Variants in CRY2 observed in about 807,000 individuals in gnomAD.
CRY2 encodes cryptochrome-2.
In CRY2, 31 loss-of-function variants were observed where a neutral mutation model predicts 69.5. The ratio of observed to expected loss-of-function variants is 0.45; its 90% CI spans 0.34 to 0.60. CRY2 has a LOEUF of 0.60. Among genes scored for constraint, CRY2 ranks in the 20% least tolerant of loss-of-function variants. CRY2 has a pLI of 0.02. For synonymous variants in CRY2, 303 were observed against 312.2 expected (o/e 0.97, Z 0.31); for missense variants, 606 against 797.8 (o/e 0.76, Z 2.90).
In CRY2 at chr11:45,858,818, G is replaced by A. The variant is rs2086263226; in HGVS notation, c.412G>A (p.Glu138Lys). The change falls in exon 3 of 12, where the codon GAG (glutamate) becomes AAG (lysine). Residue 138 changes from glutamate (E) to lysine (K), a missense_variant. Coordinates refer to ENST00000616080, the MANE Select transcript of CRY2 (RefSeq NM_021117.5). ...RDAAIMKMAK[E>K]AGVEVVTENS... is the part of the protein sequence containing the mutation. The stretch of plus-strand genomic sequence containing the variant: ...TGCAGCCATCATGAAGATGGCCAAG[G>A]AGGCTGGTGTGGAAGTAGTGACGGA... 6.2e-7 allele frequency: 1 copy of A among 1,614,090 alleles called. No individual in the cohort carries two copies. The highest frequency in any genetic ancestry group is 8.5e-7 in the Non-Finnish European group (1 of 1,180,054).
chr11:45,847,133 C>A, upstream of CRY2: 1 of 1,509,138 alleles, frequency 6.6e-7, no homozygotes, highest in South Asian at 1.2e-5. Context: ...CTTCTAGAAG[C>A]AGGCCCTGAA....
chr11:45,870,012 G>A, intron 7 of CRY2, 41 bp from the exon 8 acceptor site: 4 of 1,550,418 alleles, frequency 2.6e-6, no homozygotes, highest in Admixed American at 1.9e-5. Flanking sequence ...AAACATGGCT[G>A]CATGTCCCCA....
chr11:45,858,638 C>A, intron 2 of CRY2, 93 bp from the exon 3 acceptor site: 1 of 1,365,782 alleles, frequency 7.3e-7, no homozygotes, highest in Admixed American at 2.5e-5. Context: ...GGTCTCTAGA[C>A]TAGCTCTGTT....
intron 5 of CRY2, among the ~76,000 whole-genome samples, chr11:45,865,939 G>C (rs1227007138): frequency 2.0e-5 from 3 of 152,216 alleles, no homozygotes; most frequent in Admixed American, 6.5e-5. Flanking sequence ...GACGCAGGGA[G>C]GCCAGTCAGG....
At chr11:45,863,563 C>T (rs1035232036) in intron 5 of CRY2, among the ~76,000 whole-genome samples, 8 of 151,302 alleles carry the variant, frequency 5.3e-5, no homozygotes, top group Non-Finnish European at 1.2e-4. Flanking sequence ...TTTATTTTAG[C>T]TTCCTTCAGT....
At chr11:45,864,482 T>A (rs747668908) in intron 5 of CRY2, among the ~76,000 whole-genome samples, 1 of 151,846 alleles carries the variant, frequency 6.6e-6, no homozygotes, top group Non-Finnish European at 1.5e-5. Context: ...TAGCCGGGTG[T>A]GGCAGCATGT....
chr11:45,865,122 A>T (rs1304459379), intron 5 of CRY2, among the ~76,000 whole-genome samples: 1 of 141,332 alleles, frequency 7.1e-6, no homozygotes, highest in African/African-American at 2.7e-5. Flanking sequence ...ACATTTGGGT[A>T]AAAAAAAAAA....
intron 1 of CRY2, among the ~76,000 whole-genome samples, chr11:45,855,239 A>G (rs932214938): frequency 2.7e-5 from 4 of 149,616 alleles, no homozygotes; most frequent in Non-Finnish European, 5.9e-5. Context: ...TGAGAACCTG[A>G]TCACCAGAGC....
chr11:45,865,217 T>C (rs2134639913), intron 5 of CRY2, among the ~76,000 whole-genome samples: 1 of 152,242 alleles, frequency 6.6e-6, no homozygotes, highest in African/African-American at 2.4e-5. Flanking sequence ...TGTAAACATT[T>C]CAGAAATGCA....
At chr11:45,847,215 C>G, upstream of CRY2, 4 of 1,549,928 alleles carry the variant, frequency 2.6e-6, no homozygotes, top group Non-Finnish European at 3.5e-6. Flanking sequence ...ACAGCCCCAG[C>G]CTGCGGACAG....
intron 9 of CRY2, 140 bp downstream of exon 9, chr11:45,870,672 C>G: frequency 8.4e-7 from 1 of 1,184,866 alleles, no homozygotes; most frequent in Non-Finnish European, 1.2e-6. Flanking sequence ...GTATGGGACA[C>G]TGCAGGCTGG....
Position 45,872,176 on chromosome 11 carries a change from A to C in CRY2, c.1727A>C (p.Lys576Thr). ...GAACCACCTGGTGAAGAACTCAGCA[A>C]ACGGGCCCGGGTGGCAGAGTTGCCA... ...AEEPPGEELS[K>T]RARVAELPTP... Residue 576 changes from lysine (K) to threonine (T), a missense_variant, in exon 11 of 12, where the codon AAA becomes ACA. Physicochemically the swap from Lys to Thr is moderately conservative, Grantham distance 78. This residue lies in a region of CRY2 where 173 missense variants were observed against 213.7 expected (regional missense o/e 0.81). Transcript: ENST00000616080. 6.2e-7 allele frequency: 1 copy of C among 1,614,160 alleles called. No individual in the cohort carries two copies. The highest frequency in any genetic ancestry group is 8.5e-7 in the Non-Finnish European group (1 of 1,180,026).
intron 10 of CRY2, 125 bp from the exon 11 acceptor site, chr11:45,871,954 GGCAGGTCTGAGGA>G (rs2086386806): frequency 8.1e-7 from 1 of 1,229,834 alleles, no homozygotes; most frequent in Non-Finnish European, 1.1e-6. Context: ...AAGGCCGAGG[GGCAGGTCTGAGGA>G]GCAGCATGCT....
At position 45,870,590 on chromosome 11, in the gene CRY2, G is replaced by A. The variant is rs2086370960; in HGVS notation, c.1549+58G>A. ...AAGGACAGCACCTACAGGCTCAGGG[G>A]GCCAGATGGGGATGTCCAGATACTT... On this transcript the variant is annotated intron_variant, in intron 9 of 11. Transcript: ENST00000616080. 1.9e-6 allele frequency: 3 copies of A among 1,578,614 alleles called. No individual in the cohort carries two copies. The African/African-American group carries it at 4.0e-5, about 21-fold the overall frequency.
At position 45,862,112 on chromosome 11, in the gene CRY2, A is replaced by C. The variant is rs763887120; in HGVS notation, c.705A>C (p.Glu235Asp). 2 of 1,614,016 alleles carry C rather than the reference A, an allele frequency of 1.2e-6. No homozygotes were observed. Among genetic ancestry groups the C allele is most frequent in the Non-Finnish European group, 1.7e-6 (2 of 1,179,970 alleles). ...CTGTCTGGCAGGGAGGAGAGACAGA[A>C]GCTCTGGCCCGCCTGGATAAGCACT... ...GPAVWQGGET[E>D]ALARLDKHLE... The change falls in exon 5 of 12, where the codon GAA becomes GAC. Residue 235 changes from glutamate (E) to aspartate (D), a missense_variant. Glu to Asp is a conservative substitution (Grantham distance 45). Transcript: ENST00000616080.
intron 11 of CRY2, among the ~76,000 whole-genome samples, chr11:45,875,495 A>G (rs2086418335): frequency 6.6e-6 from 1 of 152,212 alleles, no homozygotes; most frequent in African/African-American, 2.4e-5. Context: ...CAGTGATTCC[A>G]AGGGAAGACA....
Position 45,847,549 on chromosome 11 carries a change from A to T in CRY2, c.59A>T (p.Asp20Val). 6.3e-7 allele frequency: 1 copy of T among 1,591,258 alleles called. No homozygotes were observed. Among genetic ancestry groups the T allele is most frequent in the Non-Finnish European group, 8.5e-7 (1 of 1,172,462 alleles). ...GCCCCGGCGCCAGCGCCCGGCACGG[A>T]CAGCGCCTCTTCGGTGCACTGGTTC... is the stretch of plus-strand genomic sequence containing the variant. ...AVAPAPAPGT[D>V]SASSVHWFRK... The change falls in exon 1 of 12, where the codon GAC becomes GTC. Residue 20 changes from aspartate to valine, a missense_variant. Transcript: ENST00000616080.
At chr11:45,869,457 C>A in intron 6 of CRY2, 49 bp from the exon 7 acceptor site, 1 of 1,548,090 alleles carries the variant, frequency 6.5e-7, no homozygotes, top group Non-Finnish European at 8.7e-7. Flanking sequence ...AGGCACCATG[C>A]TAAGAGCTGG....
chr11:45,867,013 C>T (rs1405668538), intron 5 of CRY2, among the ~76,000 whole-genome samples: 1 of 152,084 alleles, frequency 6.6e-6, no homozygotes. Flanking sequence ...AACAGCAAGT[C>T]AGGAAAGTAA....
Sources: allele counts gnomAD v4.1 joint callset (sites outside exome capture counted in the v4.1 genomes callset), GRCh38; gene constraint gnomAD v4.1.1; regional missense constraint gnomAD v4.1.1; transcripts MANE v1.5; gene names NCBI Gene and HGNC (gene_info 2026-07-23, HGNC 2026-07-21).